The following SLC26A5 variants were observed in gnomAD, a reference collection of about 807,000 sequenced individuals.
SLC26A5 encodes prestin.
SLC26A5 carries 51 observed loss-of-function variants against 81.0 expected under a neutral mutation model. That is an observed-to-expected ratio of 0.63 (90% CI 0.50 to 0.80). SLC26A5 has a LOEUF of 0.80. Among genes scored for constraint, SLC26A5 ranks in the 30% least tolerant of loss-of-function variants. SLC26A5 has a pLI of 0.00. For missense variants in SLC26A5, 771 were observed against 905.8 expected, an observed-to-expected ratio of 0.85 and a Z score of 1.91; for synonymous variants, 325 against 332.8, an observed-to-expected ratio of 0.98 and a Z score of 0.25.
intron 7 of SLC26A5, among the ~76,000 whole-genome samples, chr7:103,408,956 T>A (rs1824271858): frequency 6.6e-6 from 1 of 152,186 alleles, no homozygotes; most frequent in South Asian, 2.1e-4. Context: ...TTTCGACAAG[T>A]CTCAGAGTAA....
chr7:103,443,198 C>A lies in SLC26A5; in HGVS notation c.-169G>T, dbSNP rs1827006898. On this transcript the variant is annotated 5_prime_UTR_variant, in exon 2 of 20. Transcript: ENST00000306312. The stretch of plus-strand genomic sequence containing the variant: ...AGGCTGAGAGCAGGAGAAGGGAGAG[C>A]TCGCTCCTTGGCCCTATGTATAGAA... 1 of 152,204 alleles carries A rather than the reference C, an allele frequency of 6.6e-6. No homozygotes were observed. Among genetic ancestry groups the A allele is most frequent in the Non-Finnish European group, 1.5e-5 (1 of 68,060 alleles). 9.4% of individuals were successfully genotyped at this position (152,204 alleles called of 1,614,324 possible).
rs1374277010 is a variant in SLC26A5 at position 103,374,493 on chromosome 7, T to C, written c.2141A>G (p.Gln714Arg). ...CTGTTCAGCAAGTGCCTCTCTAAGT[T>C]GGCTGCCTAAAACTGCATCATGAAT... Reference protein sequence around the residue: ...HSIHDAVLGSQLREALAEQEA... With the variant: ...HSIHDAVLGSRLREALAEQEA... Residue 714 changes from glutamine (Q) to arginine (R), a missense_variant, in exon 20 of 20, where the codon CAA (glutamine) becomes CGA (arginine). By Grantham distance (43) the Gln-to-Arg change is conservative (BLOSUM62 1). Coordinates refer to ENST00000306312, the MANE Select transcript of SLC26A5 (RefSeq NM_198999.3). The C allele has an allele frequency of 2.5e-6, 4 of 1,613,916 alleles. No homozygotes were observed. Among genetic ancestry groups the C allele is most frequent in the Non-Finnish European group, 3.4e-6 (4 of 1,180,018 alleles).
intron 19 of SLC26A5, chr7:103,364,355 A>G: frequency 3.1e-6 from 5 of 1,591,690 alleles, no homozygotes; most frequent in Non-Finnish European, 4.3e-6. Flanking sequence ...AAGATTTTAC[A>G]GTATGAATGA....
chr7:103,412,197 G>T (rs1824539365), intron 5 of SLC26A5, among the ~76,000 whole-genome samples: 1 of 152,160 alleles, frequency 6.6e-6, no homozygotes, highest in Admixed American at 6.5e-5. Context: ...GGGGGTATTT[G>T]TTACCAAACA....
intron 19 of SLC26A5, among the ~76,000 whole-genome samples, chr7:103,366,903 C>T (rs2116270792): frequency 6.6e-6 from 1 of 152,242 alleles, no homozygotes; most frequent in Middle Eastern, 3.4e-3. Flanking sequence ...CTCCTGGGTT[C>T]AAGCAATTCT....
chr7:103,434,131 A>T (rs1157852186), intron 2 of SLC26A5, among the ~76,000 whole-genome samples: 1 of 152,120 alleles, frequency 6.6e-6, no homozygotes, highest in African/African-American at 2.4e-5. Context: ...ATTTTGCTGG[A>T]GTGCATCCTT....
At chr7:103,395,941 C>T (rs1226649539) in intron 9 of SLC26A5, among the ~76,000 whole-genome samples, 2 of 152,150 alleles carry the variant, frequency 1.3e-5, no homozygotes, top group Admixed American at 6.5e-5. Flanking sequence ...GTAGTTAACA[C>T]GACTTGAATG....
intron 4 of SLC26A5, among the ~76,000 whole-genome samples, chr7:103,419,526 A>G (rs1586347073): frequency 6.8e-6 from 1 of 146,214 alleles, no homozygotes; most frequent in African/African-American, 2.5e-5. Context: ...CTCAAACCTC[A>G]TTTCCTGGAT....
chr7:103,401,194 A>G (rs1366288404), intron 8 of SLC26A5, among the ~76,000 whole-genome samples: 1 of 152,120 alleles, frequency 6.6e-6, no homozygotes. Context: ...GATTCTTCCT[A>G]TCCATGAGCA....
intron 19 of SLC26A5, chr7:103,354,952 A>C (rs779013415): frequency 6.3e-7 from 1 of 1,581,088 alleles, no homozygotes; most frequent in Non-Finnish European, 8.7e-7. Flanking sequence ...GCTCACTGGT[A>C]TGTATTTTTA....
chr7:103,441,928 C>T (rs1323485001), intron 2 of SLC26A5, among the ~76,000 whole-genome samples: 11 of 152,150 alleles, frequency 7.2e-5, no homozygotes, highest in Admixed American at 1.3e-4. Context: ...ACAGAGGAGG[C>T]GCAATGCTGG....
Position 103,378,537 on chromosome 7 carries a change from G to A in SLC26A5, c.1694C>T (p.Ala565Val), listed in dbSNP as rs777371712. 6.2e-7 allele frequency: 1 copy of A among 1,614,062 alleles called. No homozygotes were observed. Among genetic ancestry groups the A allele is most frequent in the Admixed American group, 1.7e-5 (1 of 60,004 alleles). Residue 565 changes from alanine (A) to valine (V), a missense_variant, in exon 17 of 20, where the codon GCA becomes GTA. By Grantham distance (64) the Ala-to-Val change is moderately conservative. Transcript: ENST00000306312. ...CTTTCTCCTTGCTCCCATGATGACT[G>A]CTGGGTTCACTCCAGTCTTTACAGA... The part of the protein sequence containing the change: ...ALKRKTGVNP[A>V]VIMGARRKAM...
intron 14 of SLC26A5, among the ~76,000 whole-genome samples, chr7:103,386,721 C>A (rs566600938): frequency 6.6e-6 from 1 of 152,098 alleles, no homozygotes; most frequent in East Asian, 1.9e-4. Flanking sequence ...CAAAAAAATT[C>A]TCAAATTCTA....
intron 19 of SLC26A5, chr7:103,368,511 C>A (rs1424529957): frequency 6.5e-6 from 1 of 152,914 alleles, no homozygotes; most frequent in Admixed American, 6.5e-5. Context: ...TTCTGTCCCG[C>A]AACAAAGTAG....
At chr7:103,391,543 G>T in intron 11 of SLC26A5, 79 bp downstream of exon 11, 6 of 1,186,106 alleles carry the variant, frequency 5.1e-6, no homozygotes, top group East Asian at 2.5e-5. Flanking sequence ...AGCTTTGTTT[G>T]GGTTCAGAAT....
downstream of SLC26A5, chr7:103,369,368 TTAAA>T (rs1339385250): frequency 1.3e-5 from 2 of 152,224 alleles, no homozygotes; most frequent in Non-Finnish European, 2.9e-5. Flanking sequence ...AATGTTTTGA[TTAAA>T]TAAATGTACA....
intron 19 of SLC26A5, among the ~76,000 whole-genome samples, chr7:103,354,365 A>ATTTT (rs752847513): frequency 3.0e-5 from 4 of 134,536 alleles, no homozygotes; most frequent in Non-Finnish European, 4.8e-5. Flanking sequence ...TTCACACACG[A>ATTTT]TTTTTTTTTT....
In SLC26A5 at chr7:103,361,411, G is replaced by A. The variant is rs569774156; in HGVS notation, c.2042-8485C>T. ...TGTAATCCCAGCTACTCGGGAGGCT[G>A]AGGCAGGAGAATTGCATGAACCCAA... On this transcript the variant is annotated intron_variant, in intron 19 of 19. Transcript: ENST00000339444. 2.0e-5 allele frequency among the ~76,000 whole-genome samples: 3 copies of A among 148,832 alleles called. No individual in the cohort carries two copies. The Admixed American group carries it at 2.0e-4, about 10-fold the overall frequency.
chr7:103,441,422 G>A (rs1826871290), intron 2 of SLC26A5, among the ~76,000 whole-genome samples: 2 of 152,154 alleles, frequency 1.3e-5, no homozygotes, highest in Non-Finnish European at 2.9e-5. Context: ...ACAATGTAAT[G>A]GCAACATGAT....
Sources: allele counts gnomAD v4.1 joint callset (sites outside exome capture counted in the v4.1 genomes callset), GRCh38; gene constraint gnomAD v4.1.1; transcripts MANE v1.5; gene names NCBI Gene and HGNC (gene_info 2026-07-23, HGNC 2026-07-21).